Variants in FAM236C observed in about 807,000 individuals in gnomAD.
The protein encoded by FAM236C is family with sequence similarity 236 member C.
Under a neutral mutation model 3.1 loss-of-function variants are expected in FAM236C, and 1 was observed. That is an observed-to-expected ratio of 0.33 (90% CI 0.12 to 1.55). The LOEUF (loss-of-function observed/expected upper bound fraction) is 1.55. Ranked by LOEUF, FAM236C falls within the 40% of genes most tolerant of loss-of-function variation. The pLI is 0.38. For missense variants in FAM236C, 11 were observed against 27.7 expected (o/e 0.40, Z 1.35); for synonymous variants, 7 against 10.9 (o/e 0.64, Z 0.70).
rs1382485606 is a variant in FAM236C, at chrX:72,913,351, C to G, written c.*73C>G. On this transcript the variant is annotated 3_prime_UTR_variant, in exon 3 of 3. Transcript: ENST00000636267. ...CTGATGCTCCATGCCCCTGCTCGCC[C>G]CAGTGTCCCGGTCACCGGGCCTGAA... is the stretch of plus-strand genomic sequence containing the variant. 6 of 525,320 alleles carry G rather than the reference C, an allele frequency of 1.1e-5. No homozygotes were observed. Among genetic ancestry groups the G allele is most frequent in the South Asian group, 5.2e-5 (2 of 38,210 alleles). The allele number at this position is 525,320 out of a possible 1,213,427, so 43.3% of individuals were successfully genotyped here. A position where few individuals can be genotyped will look rare whatever the true frequency, so the allele number is the denominator to read the frequency against.
In FAM236C at chrX:72,913,301, G is replaced by T. The variant is rs1188752114; in HGVS notation, c.*23G>T. The T allele has an allele frequency of 5.0e-4, 371 of 740,969 alleles. 44 individuals are homozygous for T. In the African/African-American group the frequency reaches 7.3e-3, roughly 15 times the overall value. 61.1% of individuals were successfully genotyped at this position (740,969 alleles called of 1,213,427 possible). A position where few individuals can be genotyped will look rare whatever the true frequency, so the allele number is the denominator to read the frequency against. On this transcript the variant is annotated 3_prime_UTR_variant, in exon 3 of 3. Transcript: ENST00000636267. The stretch of plus-strand genomic sequence containing the variant: ...TGAGACCACCGGAGCCACAGACACA[G>T]GCGTGAACGGTGACCGAGCCCCCTC...
chrX:72,913,105 C>A lies in FAM236C; in HGVS notation c.212+10C>A. ...TCATCAAGTGCTTCAGGCGAGAGCT[C>A]CTTCGGAGCCAGCCTCTGCCTGTCT... On this transcript the variant is annotated intron_variant, in intron 2 of 2. Transcript: ENST00000636267. The A allele has an allele frequency of 2.1e-6, 1 of 486,276 alleles. No homozygotes were observed. Among genetic ancestry groups the A allele is most frequent in the Non-Finnish European group, 3.7e-6 (1 of 270,620 alleles). 40.1% of individuals were successfully genotyped at this position (486,276 alleles called of 1,213,427 possible).
At chrX:72,913,226 C>G in intron 2 of FAM236C, 25 bp from the exon 3 acceptor site, 1 of 899,981 alleles carries the variant, frequency 1.1e-6, no homozygotes, top group Non-Finnish European at 1.6e-6. Context: ...CGAGGGTCCA[C>G]TTGTCACTCT....
Position 72,913,040 on chromosome X carries a change from G to A in FAM236C, c.157G>A (p.Gly53Arg), listed in dbSNP as rs2054961984. 6.0e-6 allele frequency: 3 copies of A among 500,261 alleles called. No individual in the cohort carries two copies. Among genetic ancestry groups the A allele is most frequent in the Non-Finnish European group, 7.0e-6 (2 of 286,103 alleles). The allele number at this position is 500,261 out of a possible 1,213,427, so 41.2% of individuals were successfully genotyped here. A position where few individuals can be genotyped will look rare whatever the true frequency, so the allele number is the denominator to read the frequency against. Reference protein sequence around the residue: ...GLPREPALLRGSWRSRFQRAL... With the variant: ...GLPREPALLRRSWRSRFQRAL... ...GCCCAGGGAACCTGCTCTTCTGCGAGGGTCTTGGAGGAGCCGGTTCCAGAG... is the reference window on the plus strand; with the variant it reads ...GCCCAGGGAACCTGCTCTTCTGCGAAGGTCTTGGAGGAGCCGGTTCCAGAG... The change falls in exon 2 of 3, where the codon GGG (glycine) becomes AGG (arginine). Residue 53 changes from glycine (G) to arginine (R), a missense_variant. By Grantham distance (125) the Gly-to-Arg change is moderately radical. Coordinates refer to ENST00000636267, the MANE Select transcript of FAM236C (RefSeq NM_001351111.1).
chrX:72,913,210 G>A (rs2054964527), intron 2 of FAM236C, 41 bp from the exon 3 acceptor site: 1 of 833,707 alleles, frequency 1.2e-6, no homozygotes, highest in Non-Finnish European at 1.7e-6. Flanking sequence ...AAATCCCCAG[G>A]GCTCCCGAGG....
chrX:72,913,323 C>T lies in FAM236C; in HGVS notation c.*45C>T, dbSNP rs2054966699. On this transcript the variant is annotated 3_prime_UTR_variant, in exon 3 of 3. Transcript: ENST00000636267. ...ACAGGCGTGAACGGTGACCGAGCCCCCTCTGATGCTCCATGCCCCTGCTCG... is the reference window on the plus strand; with the variant it reads ...ACAGGCGTGAACGGTGACCGAGCCCTCTCTGATGCTCCATGCCCCTGCTCG... 11 of 621,096 alleles carry T rather than the reference C, an allele frequency of 1.8e-5. No homozygotes were observed. The highest frequency in any genetic ancestry group is 9.5e-5 in the South Asian group (4 of 42,117). 51.2% of individuals were successfully genotyped at this position (621,096 alleles called of 1,213,427 possible).
At position 72,912,911 on chromosome X, in the gene FAM236C, GTTAT is replaced by G. The variant is rs1322690348; in HGVS notation, c.37-5_37-2del. On this transcript the variant is annotated splice_polypyrimidine_tract_variant and splice_region_variant and intron_variant, in intron 1 of 2. Transcript: ENST00000636267. ...GGATGGGAGGGAGCATTAGGATCCA[GTTAT>G]TTAGTCTGTCTTTCAGAATGTGAAA... The G allele has an allele frequency of 1.7e-6, 1 of 598,357 alleles. No homozygotes were observed. Among genetic ancestry groups the G allele is most frequent in the Non-Finnish European group, 2.8e-6 (1 of 361,549 alleles). The allele number at this position is 598,357 out of a possible 1,213,427, so 49.3% of individuals were successfully genotyped here. A position where few individuals can be genotyped will look rare whatever the true frequency, so the allele number is the denominator to read the frequency against.
In FAM236C at chrX:72,913,225, A is replaced by G. The variant is rs1284065636; in HGVS notation, c.213-26A>G. 25 of 893,113 alleles carry G rather than the reference A, an allele frequency of 2.8e-5. No homozygotes were observed. In the African/African-American group the frequency reaches 5.2e-4, roughly 19 times the overall value. The allele number at this position is 893,113 out of a possible 1,213,427, so 73.6% of individuals were successfully genotyped here. A position where few individuals can be genotyped will look rare whatever the true frequency, so the allele number is the denominator to read the frequency against. On this transcript the variant is annotated intron_variant, in intron 2 of 2. Coordinates refer to ENST00000636267, the MANE Select transcript of FAM236C (RefSeq NM_001351111.1). ...AAATCCCCAGGGCTCCCGAGGGTCC[A>G]CTTGTCACTCTGCTTTCCTCCCTAG... is the stretch of plus-strand genomic sequence containing the variant.
In FAM236C at chrX:72,913,066, G is replaced by A. The variant is rs1235354799; in HGVS notation, c.183G>A (p.Arg61=). The stretch of plus-strand genomic sequence containing the variant: ...GGTCTTGGAGGAGCCGGTTCCAGAG[G>A]GCCCTGGCATGTTTCATCAAGTGCT... ...LRGSWRSRFQ[R]ALACFIKCFR... The change falls in exon 2 of 3, where the codon AGG becomes AGA. Residue 61 remains arginine, a synonymous_variant. Transcript: ENST00000636267. 7 of 489,810 alleles carry A rather than the reference G, an allele frequency of 1.4e-5. 1 individual carries two copies. Among genetic ancestry groups the A allele is most frequent in the Admixed American group, 1.0e-4 (3 of 30,056 alleles). The allele number at this position is 489,810 out of a possible 1,213,427, so 40.4% of individuals were successfully genotyped here. A position where few individuals can be genotyped will look rare whatever the true frequency, so the allele number is the denominator to read the frequency against.
intron 2 of FAM236C, 62 bp from the exon 3 acceptor site, chrX:72,913,189 G>C: frequency 1.3e-6 from 1 of 766,850 alleles, no homozygotes; most frequent in South Asian, 2.2e-5. Flanking sequence ...GAGAACCTCA[G>C]GCCAAGCCAG....
chrX:72,913,391 G>T lies in FAM236C; in HGVS notation c.*113G>T. 1.1e-5 allele frequency: 5 copies of T among 449,076 alleles called. No individual in the cohort carries two copies. The highest frequency in any genetic ancestry group is 1.6e-5 in the Non-Finnish European group (4 of 251,365). 37.0% of individuals were successfully genotyped at this position (449,076 alleles called of 1,213,427 possible). On this transcript the variant is annotated 3_prime_UTR_variant, in exon 3 of 3. Coordinates refer to ENST00000636267, the MANE Select transcript of FAM236C (RefSeq NM_001351111.1). ...CCGGGCCTGAAATAAATGCTGGCAC[G>T]CTTGACTGTTTTTGCTTTGTGGCAT...
rs1378058437 is a variant in FAM236C, at chrX:72,913,139, C to T, written c.212+44C>T. 1.3e-4 allele frequency: 67 copies of T among 518,082 alleles called. 8 individuals are homozygous for T. The African/African-American group carries it at 1.7e-3, about 13-fold the overall frequency. 42.7% of individuals were successfully genotyped at this position (518,082 alleles called of 1,213,427 possible). On this transcript the variant is annotated intron_variant, in intron 2 of 2. Coordinates refer to ENST00000636267, the MANE Select transcript of FAM236C (RefSeq NM_001351111.1). ...CCAGCCTCTGCCTGTCTCACTGGCT[C>T]GCCACCAAGCCCATCCGCCTCCCCT... is the stretch of plus-strand genomic sequence containing the variant.
In FAM236C at chrX:72,913,261, C is replaced by A. The variant is rs1416022926; in HGVS notation, c.223C>A (p.Arg75=). The change falls in exon 3 of 3, where the codon CGG becomes AGG. Residue 75 remains arginine (R), a synonymous_variant. Transcript: ENST00000636267. ...CFIKCFRGGY[R]ALGI is the part of the protein sequence containing the mutation. ...TGCTTTCCTCCCTAGGGGAGGATAC[C>A]GGGCACTCGGAATCTGAGACCACCG... The A allele has an allele frequency of 1.1e-5, 10 of 901,768 alleles. 1 individual carries two copies. Among genetic ancestry groups the A allele is most frequent in the East Asian group, 9.9e-5 (3 of 30,176 alleles). The allele number at this position is 901,768 out of a possible 1,213,427, so 74.3% of individuals were successfully genotyped here.
In FAM236C at chrX:72,913,330, T is replaced by C; in HGVS notation, c.*52T>C. ...TGAACGGTGACCGAGCCCCCTCTGA[T>C]GCTCCATGCCCCTGCTCGCCCCAGT... On this transcript the variant is annotated 3_prime_UTR_variant, in exon 3 of 3. Transcript: ENST00000636267. 2 of 594,989 alleles carry C rather than the reference T, an allele frequency of 3.4e-6. No homozygotes were observed. The highest frequency in any genetic ancestry group is 2.8e-5 in the Admixed American group (1 of 35,249). The allele number at this position is 594,989 out of a possible 1,213,427, so 49.0% of individuals were successfully genotyped here.
At position 72,913,362 on chromosome X, in the gene FAM236C, G is replaced by C; in HGVS notation, c.*84G>C. 2.0e-6 allele frequency: 1 copy of C among 500,844 alleles called. No individual in the cohort carries two copies. The allele number at this position is 500,844 out of a possible 1,213,427, so 41.3% of individuals were successfully genotyped here. A position where few individuals can be genotyped will look rare whatever the true frequency, so the allele number is the denominator to read the frequency against. ...TGCCCCTGCTCGCCCCAGTGTCCCG[G>C]TCACCGGGCCTGAAATAAATGCTGG... On this transcript the variant is annotated 3_prime_UTR_variant, in exon 3 of 3. Coordinates refer to ENST00000636267, the MANE Select transcript of FAM236C (RefSeq NM_001351111.1).
chrX:72,913,075 A>G lies in FAM236C; in HGVS notation c.192A>G (p.Ala64=), dbSNP rs2054962880. The change falls in exon 2 of 3, where the codon GCA becomes GCG. Residue 64 remains alanine (A), a synonymous_variant. Coordinates refer to ENST00000636267, the MANE Select transcript of FAM236C (RefSeq NM_001351111.1). ...GGAGCCGGTTCCAGAGGGCCCTGGC[A>G]TGTTTCATCAAGTGCTTCAGGCGAG... The part of the protein sequence containing the change: ...SWRSRFQRAL[A]CFIKCFRGGY... The G allele has an allele frequency of 2.1e-6, 1 of 485,017 alleles. No individual in the cohort carries two copies. The highest frequency in any genetic ancestry group is 2.7e-5 in the African/African-American group (1 of 37,003). The allele number at this position is 485,017 out of a possible 1,213,427, so 40.0% of individuals were successfully genotyped here.
chrX:72,913,176 C>T (rs2054964242), intron 2 of FAM236C, 75 bp from the exon 3 acceptor site: 2 of 680,618 alleles, frequency 2.9e-6, no homozygotes, highest in East Asian at 3.3e-5. Flanking sequence ...CCTGTTCCAC[C>T]AAGAGAACCT....
chrX:72,913,148 G>A, intron 2 of FAM236C, 53 bp downstream of exon 2: 4 of 551,532 alleles, frequency 7.3e-6, no homozygotes. Flanking sequence ...TCGCCACCAA[G>A]CCCATCCGCC....
At chrX:72,913,133 C>T (rs2054963659) in intron 2 of FAM236C, 38 bp downstream of exon 2, 2 of 505,845 alleles carry the variant, frequency 4.0e-6, no homozygotes, top group African/African-American at 2.6e-5. Context: ...GCCTGTCTCA[C>T]TGGCTCGCCA....
Sources: gnomAD v4.1 joint callset for allele counts on GRCh38, gnomAD v4.1.1 for gene constraint, MANE v1.5 for transcripts, NCBI Gene and HGNC (gene_info 2026-07-23, HGNC 2026-07-21) for gene names.